SMAP1: variants seen among roughly 807,000 people sequenced by gnomAD.
SMAP1 encodes the protein stromal membrane-associated protein 1.
A neutral mutation model predicts 58.5 loss-of-function variants in SMAP1; 24 were observed. That is an observed-to-expected ratio of 0.41 (90% CI 0.30 to 0.58). SMAP1 has a LOEUF of 0.58. SMAP1 is among the 20% of genes least tolerant of loss of function. The probability of loss-of-function intolerance (pLI) is 0.29; values close to 1 mark genes in which losing one functional copy is unlikely to be tolerated. For synonymous variants in SMAP1, 216 were observed against 196.6 expected (o/e 1.10, Z -0.82); for missense variants, 563 against 566.3 (o/e 0.99, Z 0.06).
chr6:70,784,409 A>G (rs1767909263), intron 4 of SMAP1, among the ~76,000 whole-genome samples: 1 of 152,218 alleles, frequency 6.6e-6, no homozygotes, highest in South Asian at 2.1e-4. Context: ...AAGCAAAATA[A>G]CCAGCTAACA....
At chr6:70,786,666 A>ACT (rs1182472379) in intron 4 of SMAP1, among the ~76,000 whole-genome samples, 1 of 152,126 alleles carries the variant, frequency 6.6e-6, no homozygotes, top group East Asian at 1.9e-4. Context: ...AATAACAGAC[A>ACT]AACAGAGAGC....
At chr6:70,812,205 AG>A (rs1769421718) in intron 6 of SMAP1, among the ~76,000 whole-genome samples, 1 of 152,232 alleles carries the variant, frequency 6.6e-6, no homozygotes, top group African/African-American at 2.4e-5. Flanking sequence ...GGATGCCAGA[AG>A]GAAATAATAT....
At chr6:70,798,402 A>G (rs1582209585) in intron 5 of SMAP1, among the ~76,000 whole-genome samples, 1 of 152,062 alleles carries the variant, frequency 6.6e-6, no homozygotes, top group Admixed American at 6.5e-5. Context: ...AAACCCTACT[A>G]TATCAAAGAA....
intron 6 of SMAP1, among the ~76,000 whole-genome samples, chr6:70,809,880 A>G (rs1171869115): frequency 1.1e-4 from 16 of 152,214 alleles, no homozygotes; most frequent in Non-Finnish European, 8.8e-5. Context: ...TAAAGGAAAT[A>G]ATAGATTCAG....
intron 1 of SMAP1, among the ~76,000 whole-genome samples, chr6:70,704,338 C>T (rs968856929): frequency 6.6e-6 from 1 of 152,146 alleles, no homozygotes; most frequent in Non-Finnish European, 1.5e-5. Flanking sequence ...ATCCATTACT[C>T]CTCCTGATTC....
At chr6:70,739,124 T>C (rs547233691) in intron 2 of SMAP1, among the ~76,000 whole-genome samples, 1 of 152,316 alleles carries the variant, frequency 6.6e-6, no homozygotes, top group South Asian at 2.1e-4. Flanking sequence ...TGTGCAAGTT[T>C]GTTTTACTTA....
intron 6 of SMAP1, among the ~76,000 whole-genome samples, chr6:70,802,394 A>AG (rs1768902347): frequency 6.6e-6 from 1 of 152,204 alleles, no homozygotes. Flanking sequence ...TTATCAGCTT[A>AG]AGGAGATTTT....
intron 2 of SMAP1, 43 bp from the exon 3 acceptor site, chr6:70,754,937 T>A (rs896988791): frequency 7.7e-7 from 1 of 1,300,964 alleles, no homozygotes; most frequent in Non-Finnish European, 1.1e-6. Context: ...GGAATCACTT[T>A]TTAATGTTTA....
chr6:70,721,616 C>G lies in SMAP1; in HGVS notation c.119-10762C>G, dbSNP rs146018457. ...TCAGTAACGCCCCACTCTCCTGGTA[C>G]CAATTTACTGTATTAATCTGTTTTC... On this transcript the variant is annotated intron_variant, in intron 1 of 10. Coordinates refer to ENST00000370455, the MANE Select transcript of SMAP1 (RefSeq NM_001044305.3). 4.8e-4 allele frequency among the ~76,000 whole-genome samples: 73 copies of G among 152,208 alleles called. No individual in the cohort carries two copies. The East Asian group carries it at 0.014, about 28-fold the overall frequency.
chr6:70,777,470 G>A (rs896042758), intron 4 of SMAP1, among the ~76,000 whole-genome samples: 1 of 151,974 alleles, frequency 6.6e-6, no homozygotes, highest in Non-Finnish European at 1.5e-5. Flanking sequence ...ATTTTTTGCT[G>A]TCGAGTTGTT....
chr6:70,806,583 C>T (rs571462969), intron 6 of SMAP1, among the ~76,000 whole-genome samples: 7 of 152,286 alleles, frequency 4.6e-5, no homozygotes, highest in African/African-American at 1.2e-4. Flanking sequence ...CCATCTTCTG[C>T]GTCGATCATG....
At chr6:70,687,924 G>A (rs917967681) in intron 1 of SMAP1, among the ~76,000 whole-genome samples, 37 of 152,218 alleles carry the variant, frequency 2.4e-4, no homozygotes, top group African/African-American at 8.7e-4. Flanking sequence ...AATCTCTTGT[G>A]TTGCCCTCTT....
At chr6:70,858,306 T>C (rs1771530693) in intron 10 of SMAP1, 77 bp downstream of exon 10, 1 of 1,269,998 alleles carries the variant, frequency 7.9e-7, no homozygotes, top group Non-Finnish European at 1.0e-6. Context: ...TTTTTTTTTT[T>C]TTTTTTTTTA....
intron 4 of SMAP1, among the ~76,000 whole-genome samples, chr6:70,785,322 A>G (rs1370694928): frequency 1.3e-5 from 2 of 152,236 alleles, no homozygotes; most frequent in African/African-American, 2.4e-5. Context: ...AGGGAAATTT[A>G]TAGCACTAAA....
intron 7 of SMAP1, among the ~76,000 whole-genome samples, chr6:70,846,400 G>A (rs552988069): frequency 6.6e-6 from 1 of 152,308 alleles, no homozygotes; most frequent in East Asian, 1.9e-4. Flanking sequence ...ACTGGTCATG[G>A]CTCGGGGCTA....
At chr6:70,751,386 T>C (rs946999154) in intron 2 of SMAP1, among the ~76,000 whole-genome samples, 19 of 152,230 alleles carry the variant, frequency 1.2e-4, no homozygotes, top group Non-Finnish European at 1.9e-4. Context: ...ATTTCTTACT[T>C]TGTCAAGAAT....
chr6:70,688,800 A>G (rs1345300291), intron 1 of SMAP1, among the ~76,000 whole-genome samples: 4 of 111,672 alleles, frequency 3.6e-5, no homozygotes, highest in Non-Finnish European at 8.1e-5. Context: ...TCAATTTATT[A>G]ATTTTTTTTA....
At chr6:70,768,535 C>T (rs10945250) in intron 3 of SMAP1, among the ~76,000 whole-genome samples, 66,029 of 152,018 alleles carry the variant, frequency 0.43, 14,706 homozygotes, top group South Asian at 0.5. Flanking sequence ...AGTTTATTTG[C>T]GTAGAGGTGT....
At chr6:70,729,628 T>TC (rs1429798394) in intron 1 of SMAP1, among the ~76,000 whole-genome samples, 6 of 152,130 alleles carry the variant, frequency 3.9e-5, no homozygotes, top group African/African-American at 1.4e-4. Flanking sequence ...ACGAGGACCC[T>TC]CATGCTTTAT....
Sources: allele counts gnomAD v4.1 joint callset (sites outside exome capture counted in the v4.1 genomes callset), GRCh38; gene constraint gnomAD v4.1.1; transcripts MANE v1.5; gene names NCBI Gene and HGNC (gene_info 2026-07-23, HGNC 2026-07-21).